The following CYRIB variants were observed in gnomAD, a reference collection of about 807,000 sequenced individuals.
CYRIB encodes the protein CYFIP-related Rac1 interactor B.
In CYRIB, 8 loss-of-function variants were observed where a neutral mutation model predicts 44.2. The observed-to-expected ratio is 0.18, with a 90% CI of 0.11 to 0.33. The LOEUF (loss-of-function observed/expected upper bound fraction) is 0.33, where lower values mean the gene tolerates loss of function less well. Ranked by LOEUF, CYRIB falls within the 10% of genes least tolerant of loss-of-function variation. The pLI, the probability that CYRIB is intolerant of heterozygous loss-of-function variation, is 1.00. For missense variants in CYRIB, 185 were observed against 382.8 expected, an observed-to-expected ratio of 0.48 and a Z score of 4.31; for synonymous variants, 131 against 127.2, an observed-to-expected ratio of 1.03 and a Z score of -0.20.
chr8:129,980,496 A>G (rs1350061698), intron 1 of CYRIB, among the ~76,000 whole-genome samples: 4 of 152,152 alleles, frequency 2.6e-5, no homozygotes, highest in Non-Finnish European at 5.9e-5. Context: ...TCAGCACACC[A>G]TTGATTTAAT....
intron 5 of CYRIB, among the ~76,000 whole-genome samples, chr8:129,861,192 T>C (rs1397141852): frequency 6.6e-6 from 1 of 152,222 alleles, no homozygotes; most frequent in African/African-American, 2.4e-5. Flanking sequence ...CTGTGTCTAT[T>C]CACTGTACAA....
At chr8:129,888,267 C>T (rs2063591518) in intron 2 of CYRIB, among the ~76,000 whole-genome samples, 1 of 152,196 alleles carries the variant, frequency 6.6e-6, no homozygotes, top group East Asian at 1.9e-4. Context: ...GTGCCACCTT[C>T]CTCTTCGCCT....
chr8:129,989,505 T>C (rs1224644943), intron 1 of CYRIB, among the ~76,000 whole-genome samples: 3 of 152,174 alleles, frequency 2.0e-5, no homozygotes, highest in African/African-American at 7.2e-5. Flanking sequence ...TCGTTCCCTC[T>C]GCAGGGACCA....
intron 1 of CYRIB, chr8:129,912,216 C>T (rs1259381753): frequency 2.6e-5 from 4 of 152,002 alleles, no homozygotes; most frequent in African/African-American, 9.7e-5. Flanking sequence ...TATACACGCT[C>T]CAAATTTACC....
intron 11 of CYRIB, 38 bp from the exon 14 acceptor site, chr8:129,842,243 T>C: frequency 6.9e-7 from 1 of 1,452,436 alleles, no homozygotes; most frequent in Non-Finnish European, 9.6e-7. Flanking sequence ...TTTTAGGAAC[T>C]TAAAAAATAA....
intron 3 of CYRIB, among the ~76,000 whole-genome samples, chr8:129,876,115 G>GA (rs200991109): frequency 0.023 from 2,858 of 122,772 alleles, 84 homozygotes; most frequent in African/African-American, 0.074. Context: ...TCCATCTCAA[G>GA]AAAAAAAAAA....
At chr8:129,930,379 A>ATATATATATATATATATATTTT (rs971468534) in intron 1 of CYRIB, among the ~76,000 whole-genome samples, 1 of 130,136 alleles carries the variant, frequency 7.7e-6, no homozygotes, top group Admixed American at 7.6e-5. Flanking sequence ...ATATATATAT[A>ATATATATATATATATATATTTT]TTTTAATTAT....
At position 129,904,590 on chromosome 8, in the gene CYRIB, A is replaced by T. The variant is rs1234173721; in HGVS notation, c.-49-1240T>A. On this transcript the variant is annotated intron_variant, in intron 1 of 11. Transcript: ENST00000519824. ...ACAGGTGTGCAAATGAATTACCTGT[A>T]AGAAAGCACCCATCTCAGTTTCTGC... 1.3e-5 allele frequency: 2 copies of T among 152,220 alleles called. No individual in the cohort carries two copies. Among genetic ancestry groups the T allele is most frequent in the African/African-American group, 4.8e-5 (2 of 41,450 alleles). 9.4% of individuals were successfully genotyped at this position (152,220 alleles called of 1,614,324 possible). A position where few individuals can be genotyped will look rare whatever the true frequency, so the allele number is the denominator to read the frequency against.
At chr8:129,898,084 A>C (rs1361805580) in intron 2 of CYRIB, among the ~76,000 whole-genome samples, 1 of 80,146 alleles carries the variant, frequency 1.2e-5, no homozygotes, top group Non-Finnish European at 2.4e-5. Flanking sequence ...AATTTTTTTT[A>C]AGTTTTTTTG....
intron 2 of CYRIB, chr8:129,947,824 T>A (rs927996710): frequency 2.6e-5 from 4 of 152,188 alleles, no homozygotes; most frequent in African/African-American, 9.7e-5. Flanking sequence ...CACCTCACAG[T>A]TTATCAACCT....
intron 3 of CYRIB, among the ~76,000 whole-genome samples, chr8:129,873,431 A>G (rs2058060209): frequency 6.6e-6 from 1 of 151,832 alleles, no homozygotes; most frequent in East Asian, 1.9e-4. Context: ...TCAGACATAC[A>G]CTCTTTTTAA....
At chr8:129,907,359 C>A (rs1589362672) in intron 1 of CYRIB, among the ~76,000 whole-genome samples, 1 of 151,940 alleles carries the variant, frequency 6.6e-6, no homozygotes, top group East Asian at 1.9e-4. Context: ...AAAAACCAAA[C>A]ACTGCATGTT....
chr8:129,900,017 T>G (rs2070663545), intron 2 of CYRIB, among the ~76,000 whole-genome samples: 1 of 152,088 alleles, frequency 6.6e-6, no homozygotes, highest in South Asian at 2.1e-4. Context: ...CTGAAGACTT[T>G]CACTACCACA....
At chr8:129,979,834 T>C (rs1035884249) in intron 1 of CYRIB, among the ~76,000 whole-genome samples, 11 of 152,078 alleles carry the variant, frequency 7.2e-5, no homozygotes, top group African/African-American at 2.4e-4. Context: ...GGCAGAAGAA[T>C]TGCTTGAAGC....
chr8:129,939,154 G>A (rs2093340028), intron 1 of CYRIB, among the ~76,000 whole-genome samples: 1 of 150,904 alleles, frequency 6.6e-6, no homozygotes, highest in African/African-American at 2.4e-5. Flanking sequence ...AAGCCCGGGG[G>A]ATAAGGGGGT....
chr8:129,948,380 C>T (rs1174236103), intron 2 of CYRIB, among the ~76,000 whole-genome samples: 1 of 152,140 alleles, frequency 6.6e-6, no homozygotes, highest in Non-Finnish European at 1.5e-5. Context: ...CAGACCAAGC[C>T]CATGGCTCCA....
At chr8:129,998,539 C>G (rs969084390) in intron 1 of CYRIB, among the ~76,000 whole-genome samples, 2 of 152,140 alleles carry the variant, frequency 1.3e-5, no homozygotes, top group Non-Finnish European at 2.9e-5. Flanking sequence ...CAATCAATGC[C>G]TTTGATTAAG....
chr8:129,869,979 G>A (rs2449414), intron 4 of CYRIB, among the ~76,000 whole-genome samples: 23,197 of 151,276 alleles, frequency 0.15, 2,313 homozygotes, highest in Non-Finnish European at 0.21. Flanking sequence ...ATGGGGGGGT[G>A]GGGGGAGGGG....
At chr8:129,979,013 T>C (rs557168975) in intron 1 of CYRIB, among the ~76,000 whole-genome samples, 1 of 152,138 alleles carries the variant, frequency 6.6e-6, no homozygotes, top group East Asian at 1.9e-4. Context: ...TAGTGGTGTG[T>C]GCCTGTAATC....
Sources: allele counts gnomAD v4.1 joint callset (sites outside exome capture counted in the v4.1 genomes callset), GRCh38; gene constraint gnomAD v4.1.1; transcripts MANE v1.5; gene names NCBI Gene and HGNC (gene_info 2026-07-23, HGNC 2026-07-21).